TRAPPC12: variants seen among roughly 807,000 people sequenced by gnomAD.
TRAPPC12 encodes trafficking protein particle complex subunit 12, also known as TPR repeat protein 15.
A neutral mutation model predicts 69.2 loss-of-function variants in TRAPPC12; 61 were observed. The observed-to-expected ratio is 0.88, with a 90% CI of 0.72 to 1.09. TRAPPC12 has a LOEUF of 1.09. Ranked by LOEUF, TRAPPC12 falls within the 50% of genes least tolerant of loss-of-function variation. The pLI is 0.00. For missense variants in TRAPPC12, 1,101 were observed against 1,016.4 expected (o/e 1.08, Z -1.13); for synonymous variants, 469 against 438.9 (o/e 1.07, Z -0.86).
At chr2:3,423,966 T>A (rs1291934960) in intron 4 of TRAPPC12, among the ~76,000 whole-genome samples, 1 of 152,162 alleles carries the variant, frequency 6.6e-6, no homozygotes, top group Non-Finnish European at 1.5e-5. Context: ...AGACCCTTCC[T>A]TAGCCTGTGG....
intron 7 of TRAPPC12, chr2:3,457,900 C>T (rs1665252192): frequency 2.0e-5 from 29 of 1,419,050 alleles, no homozygotes; most frequent in East Asian, 5.1e-5. Context: ...GCCTCAGACC[C>T]GAACCCTGCG....
intron 11 of TRAPPC12, 48 bp downstream of exon 11, chr2:3,478,981 C>T (rs749369455): frequency 4.7e-5 from 75 of 1,581,620 alleles, no homozygotes; most frequent in East Asian, 4.7e-4. Context: ...CTTTCACAGA[C>T]GCTAGAAACA....
chr2:3,442,967 T>G (rs552918357), intron 5 of TRAPPC12, among the ~76,000 whole-genome samples: 4 of 152,406 alleles, frequency 2.6e-5, no homozygotes, highest in African/African-American at 9.6e-5. Flanking sequence ...CAGTGCACGC[T>G]ATTTGATTTT....
At chr2:3,443,690 A>G (rs1370364960) in intron 5 of TRAPPC12, 89 bp from the exon 6 acceptor site, 2 of 903,760 alleles carry the variant, frequency 2.2e-6, no homozygotes, top group Non-Finnish European at 1.8e-6. Context: ...TTCTGCTGGG[A>G]CATCTGCGAC....
In TRAPPC12 at chr2:3,414,373, C is replaced by A. The variant is rs562874512; in HGVS notation, c.1165-7508C>A. On this transcript the variant is annotated intron_variant, in intron 3 of 11. Transcript: ENST00000324266. The surrounding 1 kb of genome is among the most constrained non-coding windows in gnomAD (Gnocchi z 4.9). ...ATCCAGATAAGCATGGCAGTGGGGT[C>A]CTGGCAGCAGTCACTCCACTCTGGA... 6.6e-6 allele frequency among the ~76,000 whole-genome samples: 1 copy of A among 152,204 alleles called. No individual in the cohort carries two copies. The highest frequency in any genetic ancestry group is 2.4e-5 in the African/African-American group (1 of 41,522).
chr2:3,382,229 G>A (rs1660246498), intron 1 of TRAPPC12, among the ~76,000 whole-genome samples: 1 of 150,362 alleles, frequency 6.7e-6, no homozygotes, highest in Non-Finnish European at 1.5e-5. Flanking sequence ...CCGCCTCCTG[G>A]GTTCAAGTGA....
At chr2:3,416,001 C>T (rs1039109947) in intron 3 of TRAPPC12, among the ~76,000 whole-genome samples, 2 of 152,198 alleles carry the variant, frequency 1.3e-5, no homozygotes, top group Non-Finnish European at 2.9e-5. Context: ...CAGGCGTGAG[C>T]CACCACGCCT....
intron 3 of TRAPPC12, among the ~76,000 whole-genome samples, chr2:3,412,701 G>A (rs1662132223): frequency 6.6e-6 from 1 of 152,184 alleles, no homozygotes; most frequent in African/African-American, 2.4e-5. Context: ...CCTTCATCTA[G>A]AACGGATTCA....
intron 3 of TRAPPC12, among the ~76,000 whole-genome samples, chr2:3,413,883 T>C (rs902568556): frequency 2.0e-5 from 3 of 152,228 alleles, no homozygotes; most frequent in African/African-American, 7.2e-5. Context: ...CTGTTTCTGC[T>C]GTATCCTCTC....
chr2:3,397,433 C>G (rs1187159740), intron 2 of TRAPPC12, among the ~76,000 whole-genome samples: 2 of 151,978 alleles, frequency 1.3e-5, no homozygotes, highest in Non-Finnish European at 2.9e-5. Context: ...CAGACCCACA[C>G]TCAACACCCC....
intron 8 of TRAPPC12, among the ~76,000 whole-genome samples, chr2:3,463,439 G>A (rs565675018): frequency 6.6e-5 from 10 of 151,446 alleles, no homozygotes; most frequent in East Asian, 5.8e-4. Context: ...GCCTGCCCCC[G>A]GCCTGGAATC....
chr2:3,425,035 G>A (rs775226872), intron 5 of TRAPPC12, among the ~76,000 whole-genome samples: 4 of 152,226 alleles, frequency 2.6e-5, no homozygotes, highest in Admixed American at 1.3e-4. Flanking sequence ...AAACGTGTCC[G>A]TGCATATGGC....
At chr2:3,466,540 CTG>C in intron 9 of TRAPPC12, 1 of 397,262 alleles carries the variant, frequency 2.5e-6, no homozygotes, top group South Asian at 1.9e-5. Flanking sequence ...AACAGGGCCT[CTG>C]TGAACTCAGG....
rs1319809531 is a variant in TRAPPC12, at chr2:3,414,911, C to T, written c.1165-6970C>T. ...CTACAGGTTCCGCATCCACAGATTC[C>T]ACCACCCGCAGTTGGGAAACACAGT... On this transcript the variant is annotated intron_variant, in intron 3 of 11. Transcript: ENST00000324266. The surrounding 1 kb of genome is among the most constrained non-coding windows in gnomAD (Gnocchi z 4.9). Among the ~76,000 whole-genome samples the T allele has an allele frequency of 1.3e-5, 2 of 152,160 alleles. No individual in the cohort carries two copies. The highest frequency in any genetic ancestry group is 2.4e-5 in the African/African-American group (1 of 41,438).
chr2:3,442,392 C>G (rs1006602297), intron 5 of TRAPPC12, among the ~76,000 whole-genome samples: 1 of 152,184 alleles, frequency 6.6e-6, no homozygotes, highest in African/African-American at 2.4e-5. Context: ...ATATAACTTA[C>G]CATGTTGGGC....
At position 3,387,725 on chromosome 2, in the gene TRAPPC12, A is replaced by G; in HGVS notation, c.102A>G (p.Glu34=). Residue 34 remains glutamate, a synonymous_variant, in exon 2 of 12, where the codon GAA becomes GAG. Coordinates refer to ENST00000324266, the MANE Select transcript of TRAPPC12 (RefSeq NM_016030.6). ...AGCAGGGGTTGCTCTTCCAGGAGGA[A>G]ACCATCGATCTTGGCGGAGATGAGT... ...PEEQGLLFQE[E]TIDLGGDEFG... The G allele has an allele frequency of 6.2e-7, 1 of 1,604,742 alleles. No individual in the cohort carries two copies. The highest frequency in any genetic ancestry group is 2.3e-5 in the East Asian group (1 of 44,072).
At chr2:3,399,767 C>A (rs536905165) in intron 2 of TRAPPC12, among the ~76,000 whole-genome samples, 1 of 152,288 alleles carries the variant, frequency 6.6e-6, no homozygotes, top group South Asian at 2.1e-4. Context: ...AATAACCTTG[C>A]TTCTTAGGAG....
chr2:3,467,208 C>T (rs1048455458), intron 9 of TRAPPC12, among the ~76,000 whole-genome samples: 2 of 152,114 alleles, frequency 1.3e-5, no homozygotes, highest in Admixed American at 1.3e-4. Context: ...CCTCGGTGTT[C>T]GCTTTTCTGA....
chr2:3,470,399 G>A (rs1015228048), intron 9 of TRAPPC12, among the ~76,000 whole-genome samples: 1 of 152,248 alleles, frequency 6.6e-6, no homozygotes, highest in Non-Finnish European at 1.5e-5. Flanking sequence ...CCCGGCAAAC[G>A]ATGGCCTGCA....
Sources: allele counts gnomAD v4.1 joint callset (sites outside exome capture counted in the v4.1 genomes callset), GRCh38; gene constraint gnomAD v4.1.1; non-coding constraint Gnocchi (gnomAD v3.1); transcripts MANE v1.5; gene names NCBI Gene and HGNC (gene_info 2026-07-23, HGNC 2026-07-21).